Variants in CADM2 observed in about 807,000 individuals in gnomAD.
CADM2 encodes cell adhesion molecule 2, also known as immunoglobulin superfamily member 4D.
In CADM2, 12 loss-of-function variants were observed where a neutral mutation model predicts 49.8. The ratio of observed to expected loss-of-function variants is 0.24; its 90% CI spans 0.15 to 0.39. The LOEUF (loss-of-function observed/expected upper bound fraction) is 0.39. Among genes scored for constraint, CADM2 ranks in the 10% least tolerant of loss-of-function variants. The pLI, the probability that CADM2 is intolerant of heterozygous loss-of-function variation, is 1.00. For missense variants in CADM2, 378 were observed against 492.3 expected (o/e 0.77, Z 2.20); for synonymous variants, 214 against 175.4 (o/e 1.22, Z -1.74).
intron 8 of CADM2, among the ~76,000 whole-genome samples, chr3:85,970,330 G>A (rs930287909): frequency 2.6e-5 from 4 of 151,332 alleles, no homozygotes; most frequent in Admixed American, 2.0e-4. Flanking sequence ...CTGGCTGCTC[G>A]TGAGAGCTCT....
intron 1 of CADM2, among the ~76,000 whole-genome samples, chr3:85,189,403 G>A (rs947466760): frequency 1.3e-5 from 2 of 151,954 alleles, no homozygotes; most frequent in African/African-American, 2.4e-5. Context: ...AAGCTAAAGT[G>A]AACCAGGGAT....
chr3:85,043,517 A>G (rs1477223283), intron 1 of CADM2, among the ~76,000 whole-genome samples: 3 of 151,842 alleles, frequency 2.0e-5, no homozygotes, highest in Non-Finnish European at 4.4e-5. Context: ...CCATCTCTCA[A>G]AAAAGTAAAA....
At chr3:86,020,417 A>T (rs561388937) in intron 8 of CADM2, among the ~76,000 whole-genome samples, 1 of 152,226 alleles carries the variant, frequency 6.6e-6, no homozygotes, top group South Asian at 2.1e-4. Flanking sequence ...TACAAGGAGG[A>T]ACTGGTACCA....
In CADM2 at chr3:85,020,666, C is replaced by T. The variant is rs545766392; in HGVS notation, c.61+60998C>T. On this transcript the variant is annotated intron_variant, in intron 1 of 9. Coordinates refer to ENST00000383699, the MANE Select transcript of CADM2 (RefSeq NM_001167675.2). ...AATACCATTTTTCAAATGAGAATAC[C>T]GCTGTATAACACATATCACCTTAAA... Among the ~76,000 whole-genome samples the T allele has an allele frequency of 7.2e-5, 11 of 151,780 alleles. 1 individual carries two copies. In the East Asian group the frequency reaches 7.8e-4, roughly 11 times the overall value.
At chr3:85,206,528 T>C (rs369352031) in intron 1 of CADM2, among the ~76,000 whole-genome samples, 2,753 of 151,926 alleles carry the variant, frequency 0.018, 73 homozygotes, top group African/African-American at 0.061. Flanking sequence ...AGGATGGTCT[T>C]GATCACCTGA....
chr3:86,012,044 A>G (rs1439415172), intron 8 of CADM2, among the ~76,000 whole-genome samples: 16 of 152,162 alleles, frequency 1.1e-4, no homozygotes, highest in Non-Finnish European at 1.5e-5. Flanking sequence ...TATCTTATAT[A>G]AATATACTCA....
intron 1 of CADM2, among the ~76,000 whole-genome samples, chr3:85,359,660 A>G (rs1481915632): frequency 5.1e-5 from 1 of 19,452 alleles, no homozygotes; most frequent in African/African-American, 1.2e-4. Context: ...ATATATATAT[A>G]TATATATTTT....
chr3:85,692,900 A>G (rs2066428545), intron 1 of CADM2, among the ~76,000 whole-genome samples: 2 of 152,134 alleles, frequency 1.3e-5, no homozygotes, highest in African/African-American at 4.8e-5. Context: ...CTTCTCCCAC[A>G]TACTTCACTG....
chr3:85,446,441 C>A (rs1576570058), intron 1 of CADM2, among the ~76,000 whole-genome samples: 1 of 152,120 alleles, frequency 6.6e-6, no homozygotes, highest in East Asian at 1.9e-4. Context: ...TTCAGAAAAT[C>A]TGTCTTGTAG....
chr3:85,443,626 G>A (rs1044041799), intron 1 of CADM2, among the ~76,000 whole-genome samples: 18 of 151,988 alleles, frequency 1.2e-4, no homozygotes, highest in African/African-American at 3.6e-4. Context: ...TTACTTGACC[G>A]ATTTGCAGTT....
intron 1 of CADM2, among the ~76,000 whole-genome samples, chr3:85,032,515 C>G (rs190099578): frequency 2.6e-5 from 4 of 152,270 alleles, no homozygotes; most frequent in African/African-American, 4.8e-5. Context: ...CAATCTACCA[C>G]AGTATAATAA....
At chr3:85,084,055 C>T (rs1157586749) in intron 1 of CADM2, among the ~76,000 whole-genome samples, 1 of 152,102 alleles carries the variant, frequency 6.6e-6, no homozygotes. Flanking sequence ...GTTGTCAGTT[C>T]TCAGTTTTGA....
At chr3:85,274,052 C>T (rs1220675398) in intron 1 of CADM2, among the ~76,000 whole-genome samples, 2 of 151,388 alleles carry the variant, frequency 1.3e-5, no homozygotes, top group African/African-American at 4.8e-5. Flanking sequence ...GGATCAAATG[C>T]TGTTGCTAGA....
chr3:85,645,481 A>G (rs1016726495), intron 1 of CADM2, among the ~76,000 whole-genome samples: 1 of 152,040 alleles, frequency 6.6e-6, no homozygotes, highest in African/African-American at 2.4e-5. Context: ...GTTTTTACAT[A>G]AAAATAAATA....
At chr3:85,379,721 C>A (rs1467451174) in intron 1 of CADM2, among the ~76,000 whole-genome samples, 2 of 151,992 alleles carry the variant, frequency 1.3e-5, no homozygotes, top group African/African-American at 4.8e-5. Flanking sequence ...GTAATTGTGA[C>A]CCACAAGATT....
rs1319268592 is a variant in CADM2 at position 85,332,056 on chromosome 3, A to G, written c.61+372388A>G. Reference sequence around the variant, plus strand: ...CCCTACCCAAGCCATAGTAAAAATTATTAAGGGATCAATTGAAAATAAATA... The same window carrying G: ...CCCTACCCAAGCCATAGTAAAAATTGTTAAGGGATCAATTGAAAATAAATA... On this transcript the variant is annotated intron_variant, in intron 1 of 9. Coordinates refer to ENST00000383699, the MANE Select transcript of CADM2 (RefSeq NM_001167675.2). 2.6e-5 allele frequency among the ~76,000 whole-genome samples: 4 copies of G among 152,110 alleles called. 1 individual carries two copies. The highest frequency in any genetic ancestry group is 1.5e-5 in the Non-Finnish European group (1 of 67,960).
chr3:85,411,573 T>G (rs1378482152), intron 1 of CADM2, among the ~76,000 whole-genome samples: 2 of 152,150 alleles, frequency 1.3e-5, no homozygotes, highest in African/African-American at 4.8e-5. Context: ...ATTTCCCTAC[T>G]GAACAGCGTA....
At position 85,406,937 on chromosome 3, in the gene CADM2, C is replaced by T. The variant is rs773705394; in HGVS notation, c.62-319585C>T. On this transcript the variant is annotated intron_variant, in intron 1 of 9. Transcript: ENST00000383699. ...ACGACCAGGGTACAGTGGTCATGCC[C>T]GTAATTGCCTCACTTTGGAAGGCGG... Among the ~76,000 whole-genome samples, 6 of 152,102 alleles carry T rather than the reference C, an allele frequency of 3.9e-5. No individual in the cohort carries two copies. The East Asian group carries it at 5.8e-4, about 15-fold the overall frequency.
intron 2 of CADM2, among the ~76,000 whole-genome samples, chr3:85,764,579 TA>T (rs2069560574): frequency 6.6e-6 from 1 of 152,072 alleles, no homozygotes; most frequent in Non-Finnish European, 1.5e-5. Flanking sequence ...AACCTAAAAT[TA>T]GCATTTGAAA....
Sources: allele counts gnomAD v4.1 joint callset (sites outside exome capture counted in the v4.1 genomes callset), GRCh38; gene constraint gnomAD v4.1.1; transcripts MANE v1.5; gene names NCBI Gene and HGNC (gene_info 2026-07-23, HGNC 2026-07-21).